The following TSC2 variants were observed in gnomAD, a reference collection of about 807,000 sequenced individuals.
TSC2 encodes the protein tuberin.
In TSC2, 29 loss-of-function variants were observed where a neutral mutation model predicts 202.2. The observed-to-expected ratio is 0.14, with a 90% confidence interval of 0.11 to 0.20. The LOEUF (loss-of-function observed/expected upper bound fraction) is 0.20, where lower values mean the gene tolerates loss of function less well. Among genes scored for constraint, TSC2 ranks in the 10% least tolerant of loss-of-function variants. TSC2 has a pLI of 1.00. For missense variants in TSC2, 2,429 were observed against 2,420.0 expected (o/e 1.00, Z -0.08); for synonymous variants, 1,349 against 1,044.0 (o/e 1.29, Z -5.63).
intron 16 of TSC2, among the ~76,000 whole-genome samples, chr16:2,068,229 A>G (rs1256893703): frequency 2.0e-5 from 3 of 152,146 alleles, no homozygotes; most frequent in African/African-American, 7.2e-5. Context: ...TAGTAGTGAC[A>G]TGGTTTCACC....
intron 5 of TSC2, 155 bp from the exon 6 acceptor site, chr16:2,055,247 G>T: frequency 1.4e-6 from 1 of 723,714 alleles, no homozygotes. Context: ...GAGCCTCTTC[G>T]GGCCCAGTGC....
chr16:2,066,746 C>T (rs767051240), intron 16 of TSC2, among the ~76,000 whole-genome samples: 5 of 144,818 alleles, frequency 3.5e-5, no homozygotes, highest in South Asian at 2.2e-4. Flanking sequence ...CTGCAACCTT[C>T]GCCTCTTGGG....
intron 9 of TSC2, among the ~76,000 whole-genome samples, chr16:2,057,582 A>G (rs2086032913): frequency 6.6e-6 from 1 of 151,598 alleles, no homozygotes; most frequent in African/African-American, 2.4e-5. Context: ...CCTCCCACCC[A>G]TGCTGCCAGC....
chr16:2,062,373 T>C, intron 12 of TSC2, 124 bp from the exon 13 acceptor site: 1 of 911,662 alleles, frequency 1.1e-6, no homozygotes, highest in Non-Finnish European at 1.7e-6. Flanking sequence ...GTGTCTGGGC[T>C]GTGGGCTGCA....
At chr16:2,080,777 C>T (rs116978590) in intron 30 of TSC2, 4,107 of 229,408 alleles carry the variant, frequency 0.018, 68 homozygotes, top group Non-Finnish European at 0.025. Flanking sequence ...AGCCACCGCG[C>T]CCAGCCATTT....
intron 7 of TSC2, 148 bp from the exon 8 acceptor site, chr16:2,056,496 G>C (rs1411949535): frequency 7.8e-7 from 1 of 1,279,740 alleles, no homozygotes; most frequent in African/African-American, 1.5e-5. Flanking sequence ...CCACATGCCC[G>C]CTTGCCCTGT....
chr16:2,071,892 C>T lies in TSC2; in HGVS notation c.2055C>T (p.Pro685=), dbSNP rs200450119. The T allele has an allele frequency of 1.3e-6, 2 of 1,596,826 alleles. No homozygotes were observed. The highest frequency in any genetic ancestry group is 2.7e-5 in the African/African-American group (2 of 74,726). ...CCGCCGTGCGGCTGGGGTCCGTGCC[C>T]TACTCCCTGCTCTTCCGCGTCCTGC... ...AGPAVRLGSV[P]YSLLFRVLLQ... The change falls in exon 19 of 42, where the codon CCC becomes CCT. Residue 685 remains proline (P), a synonymous_variant. Coordinates refer to ENST00000219476, the MANE Select transcript of TSC2 (RefSeq NM_000548.5).
intron 3 of TSC2, among the ~76,000 whole-genome samples, chr16:2,053,003 G>T (rs2085318490): frequency 6.6e-6 from 1 of 152,160 alleles, no homozygotes; most frequent in African/African-American, 2.4e-5. Context: ...ATGACTTCCT[G>T]CCAGCATTCC....
In TSC2 at chr16:2,067,493, G is replaced by A. The variant is rs1010402612; in HGVS notation, c.1716+1858G>A. 4.6e-5 allele frequency among the ~76,000 whole-genome samples: 7 copies of A among 151,268 alleles called. No individual in the cohort carries two copies. The East Asian group carries it at 8.0e-4, about 17-fold the overall frequency. ...TTTGATTAAAAACCAGGCATCAGCC[G>A]GGTGTGGTGGCTCATGCCCGTAATC... On this transcript the variant is annotated intron_variant, in intron 16 of 41. Coordinates refer to ENST00000219476, the MANE Select transcript of TSC2 (RefSeq NM_000548.5).
chr16:2,087,485 TGG>T (rs60318294), intron 38 of TSC2, among the ~76,000 whole-genome samples: 5,738 of 80,308 alleles, frequency 0.071, 158 homozygotes, highest in Non-Finnish European at 0.1. Flanking sequence ...GACAACCAGT[TGG>T]GGGGGGGGGG....
chr16:2,069,789 AT>A (rs1020256288), intron 16 of TSC2, among the ~76,000 whole-genome samples: 2 of 150,250 alleles, frequency 1.3e-5, no homozygotes, highest in African/African-American at 4.9e-5. Flanking sequence ...CTAATTTTGT[AT>A]TTTTAGTAGA....
Position 2,050,451 on chromosome 16 carries a change from A to T in TSC2, c.190A>T (p.Ile64Phe), listed in dbSNP as rs397515081. 1.2e-6 allele frequency: 2 copies of T among 1,613,944 alleles called. No individual in the cohort carries two copies. The highest frequency in any genetic ancestry group is 2.2e-5 in the East Asian group (1 of 44,886). ...CAATCGCATCCGGATGATAGGGCAG[A>T]TTTGTGAAGTCGCAAAAACCAAGAA... is the stretch of plus-strand genomic sequence containing the variant. ...LNNRIRMIGQ[I>F]CEVAKTKKFE... The change falls in exon 3 of 42, where the codon ATT (isoleucine) becomes TTT (phenylalanine). Residue 64 changes from isoleucine to phenylalanine, a missense_variant. Transcript: ENST00000219476.
chr16:2,084,824 A>C, intron 34 of TSC2, 109 bp downstream of exon 34: 3 of 1,599,366 alleles, frequency 1.9e-6, no homozygotes, highest in African/African-American at 1.3e-5. Flanking sequence ...CCTGTGCCCT[A>C]GGGCTGGCTG....
At chr16:2,051,144 C>T (rs1227986623) in intron 3 of TSC2, among the ~76,000 whole-genome samples, 1 of 151,694 alleles carries the variant, frequency 6.6e-6, no homozygotes, top group African/African-American at 2.4e-5. Flanking sequence ...GCCAACATGG[C>T]GAAACCCCGT....
At position 2,062,996 on chromosome 16, in the gene TSC2, C is replaced by T. The variant is rs2086825149; in HGVS notation, c.1386C>T (p.Arg462=). The change falls in exon 14 of 42, where the codon CGC becomes CGT. Residue 462 remains arginine, a synonymous_variant. Coordinates refer to ENST00000219476, the MANE Select transcript of TSC2 (RefSeq NM_000548.5). ...FFRSESRGAV[R]IKVLDVLSFV... ...GGAGCGAGTCCCGAGGCGCCGTGCG[C>T]ATCAAGGTGCTGGACGTGCTGTCCT... 2 of 1,551,258 alleles carry T rather than the reference C, an allele frequency of 1.3e-6. No homozygotes were observed. The highest frequency in any genetic ancestry group is 1.7e-6 in the Non-Finnish European group (2 of 1,146,886).
At position 2,065,028 on chromosome 16, in the gene TSC2, C is replaced by T. The variant is rs1426446226; in HGVS notation, c.1600-491C>T. Reference sequence around the variant, plus strand: ...GCTCAGGAGGCTGAGGCAGGAGAATCGCTTGAACCTAGGAGGTGAAGGTTG... The same window carrying T: ...GCTCAGGAGGCTGAGGCAGGAGAATTGCTTGAACCTAGGAGGTGAAGGTTG... On this transcript the variant is annotated intron_variant, in intron 15 of 41. Coordinates refer to ENST00000219476, the MANE Select transcript of TSC2 (RefSeq NM_000548.5). 3.2e-5 allele frequency: 6 copies of T among 187,452 alleles called. No individual in the cohort carries two copies. In the South Asian group the frequency reaches 6.0e-4, roughly 19 times the overall value. 11.6% of individuals were successfully genotyped at this position (187,452 alleles called of 1,614,324 possible). A position where few individuals can be genotyped will look rare whatever the true frequency, so the allele number is the denominator to read the frequency against.
chr16:2,064,569 G>T lies in TSC2; in HGVS notation c.1599+142G>T, dbSNP rs1261320648. On this transcript the variant is annotated intron_variant, in intron 15 of 41. Transcript: ENST00000219476. Reference sequence around the variant, plus strand: ...AGGCTCCCCTCCCTGCAGGGTGGGTGTCCCGAGGCCTGTGCAGGGCCTGCC... The same window carrying T: ...AGGCTCCCCTCCCTGCAGGGTGGGTTTCCCGAGGCCTGTGCAGGGCCTGCC... 7 of 1,300,662 alleles carry T rather than the reference G, an allele frequency of 5.4e-6. No individual in the cohort carries two copies. The East Asian group carries it at 1.8e-4, about 33-fold the overall frequency. 80.6% of individuals were successfully genotyped at this position (1,300,662 alleles called of 1,614,324 possible).
intron 21 of TSC2, among the ~76,000 whole-genome samples, chr16:2,073,231 C>G (rs1287311545): frequency 1.3e-5 from 2 of 151,624 alleles, no homozygotes; most frequent in African/African-American, 4.9e-5. Context: ...CATCTCTGCT[C>G]TCTGTAGAGC....
At chr16:2,068,438 T>C (rs1399403856) in intron 16 of TSC2, 3 of 152,182 alleles carry the variant, frequency 2.0e-5, no homozygotes, top group African/African-American at 7.2e-5. Flanking sequence ...AAAATCCCCA[T>C]CTAACTTTTA....
Sources: allele counts gnomAD v4.1 joint callset (sites outside exome capture counted in the v4.1 genomes callset), GRCh38; gene constraint gnomAD v4.1.1; transcripts MANE v1.5; gene names NCBI Gene and HGNC (gene_info 2026-07-23, HGNC 2026-07-21).